The following RPS6KC1 variants were observed in gnomAD, a reference collection of about 807,000 sequenced individuals.
The protein encoded by RPS6KC1 is ribosomal protein S6 kinase C1.
RPS6KC1 carries 54 observed loss-of-function variants against 103.8 expected under a neutral mutation model. The ratio of observed to expected loss-of-function variants is 0.52; its 90% confidence interval spans 0.42 to 0.65. The LOEUF is 0.65. Among genes scored for constraint, RPS6KC1 ranks in the 30% least tolerant of loss-of-function variants. RPS6KC1 has a pLI of 0.00. For missense variants in RPS6KC1, 1,151 were observed against 1,253.8 expected (o/e 0.92, Z 1.24); for synonymous variants, 439 against 438.7 (o/e 1.00, Z -0.01).
chr1:213,069,979 A>G (rs980471577), intron 1 of RPS6KC1, among the ~76,000 whole-genome samples: 27 of 152,330 alleles, frequency 1.8e-4, no homozygotes, highest in African/African-American at 6.3e-4. Context: ...TCATCAGGGA[A>G]GTCTGAAGGA....
At chr1:213,496,324 C>T in the RPS6KC1 span, among the ~76,000 whole-genome samples, 1 of 151,982 alleles carries the variant, frequency 6.6e-6, no homozygotes, top group Non-Finnish European at 1.5e-5. Flanking sequence ...TTGCAAGAGA[C>T]ATCTGTAAAA....
chr1:213,841,125 A>G, the RPS6KC1 span: 1 of 152,100 alleles, frequency 6.6e-6, no homozygotes, highest in East Asian at 1.9e-4. Flanking sequence ...TAATGATCTG[A>G]GTATGTACAT....
intron 6 of RPS6KC1, among the ~76,000 whole-genome samples, chr1:213,161,641 A>G (rs1048182324): frequency 1.3e-5 from 2 of 152,220 alleles, no homozygotes; most frequent in Non-Finnish European, 2.9e-5. Context: ...AATCATTTAA[A>G]TATGGAGATA....
the RPS6KC1 span, among the ~76,000 whole-genome samples, chr1:213,574,494 A>G: frequency 1.3e-5 from 2 of 152,242 alleles, no homozygotes; most frequent in Non-Finnish European, 2.9e-5. Context: ...GAGGGTCTCT[A>G]TTAGCCTTGC....
At chr1:213,082,252 C>G (rs1469834444) in intron 3 of RPS6KC1, among the ~76,000 whole-genome samples, 2 of 151,698 alleles carry the variant, frequency 1.3e-5, no homozygotes, top group African/African-American at 4.8e-5. Flanking sequence ...AACCCCGTCT[C>G]TACTAAAAAT....
chr1:213,628,443 A>G, the RPS6KC1 span, among the ~76,000 whole-genome samples: 1 of 151,334 alleles, frequency 6.6e-6, no homozygotes, highest in Non-Finnish European at 1.5e-5. Context: ...CTGATCTGTT[A>G]CTTCTTGCCT....
At chr1:213,232,075 A>G (rs1449768967) in intron 9 of RPS6KC1, 48 bp from the exon 10 acceptor site, 1 of 158,856 alleles carries the variant, frequency 6.3e-6, no homozygotes, top group Non-Finnish European at 9.2e-6. Flanking sequence ...TCCAAAGGCA[A>G]CTGAGGATGC....
the RPS6KC1 span, among the ~76,000 whole-genome samples, chr1:213,648,684 T>C: frequency 6.6e-6 from 1 of 152,072 alleles, no homozygotes; most frequent in East Asian, 1.9e-4. Flanking sequence ...TTTGACCTCA[T>C]GGGGATGGGC....
the RPS6KC1 span, among the ~76,000 whole-genome samples, chr1:213,845,727 G>T: frequency 6.6e-6 from 1 of 152,068 alleles, no homozygotes; most frequent in Non-Finnish European, 1.5e-5. Flanking sequence ...CAAAAATCCT[G>T]GTTCCTCCAC....
In RPS6KC1 at chr1:213,263,600, C is replaced by T. The variant is rs78149348; in HGVS notation, c.3090+784C>T. 9.3e-3 allele frequency among the ~76,000 whole-genome samples: 1,404 copies of T among 151,114 alleles called. 44 individuals carry two copies. The highest frequency in any genetic ancestry group is 0.071 in the East Asian group (366 of 5,154). ...CAAGAACTAAAATTATGTAATGAAA[C>T]ATGGATTTAAAAAAAAAAGTCAGGG... On this transcript the variant is annotated intron_variant, in intron 14 of 14. Transcript: ENST00000366960.
chr1:213,737,938 C>T, the RPS6KC1 span, among the ~76,000 whole-genome samples: 1 of 152,194 alleles, frequency 6.6e-6, no homozygotes, highest in African/African-American at 2.4e-5. Flanking sequence ...TTTGCTTCAG[C>T]ACCATTGCCT....
chr1:213,782,745 G>A, the RPS6KC1 span, among the ~76,000 whole-genome samples: 2 of 152,262 alleles, frequency 1.3e-5, no homozygotes, highest in South Asian at 4.1e-4. Flanking sequence ...TTTCATGAAA[G>A]TCAAATTTTG....
the RPS6KC1 span, among the ~76,000 whole-genome samples, chr1:213,688,208 C>T: frequency 4.2e-4 from 64 of 152,268 alleles, no homozygotes; most frequent in African/African-American, 1.3e-3. Context: ...GTTCTTCCTC[C>T]GTCTCGGTCT....
the RPS6KC1 span, among the ~76,000 whole-genome samples, chr1:213,478,141 T>C: frequency 6.6e-6 from 1 of 152,198 alleles, no homozygotes; most frequent in African/African-American, 2.4e-5. Flanking sequence ...GATTAGCTTC[T>C]TTTACTTAGT....
At chr1:213,240,192 A>G (rs2094318835) in intron 10 of RPS6KC1, among the ~76,000 whole-genome samples, 1 of 152,156 alleles carries the variant, frequency 6.6e-6, no homozygotes, top group Non-Finnish European at 1.5e-5. Context: ...ATTATATACC[A>G]CATGCCAAAT....
At chr1:213,165,814 C>T (rs2090914070) in intron 6 of RPS6KC1, among the ~76,000 whole-genome samples, 1 of 152,180 alleles carries the variant, frequency 6.6e-6, no homozygotes, top group East Asian at 1.9e-4. Flanking sequence ...GCCTCAGCCT[C>T]CCAAAGTGTT....
chr1:213,535,105 G>C, the RPS6KC1 span, among the ~76,000 whole-genome samples: 1 of 152,208 alleles, frequency 6.6e-6, no homozygotes, highest in African/African-American at 2.4e-5. Context: ...GGTCAAGCAG[G>C]CTCCATATGG....
At chr1:213,778,596 G>A in the RPS6KC1 span, among the ~76,000 whole-genome samples, 1 of 151,870 alleles carries the variant, frequency 6.6e-6, no homozygotes, top group African/African-American at 2.4e-5. Flanking sequence ...GGTTGTTTAG[G>A]TGAGAGGTAA....
the RPS6KC1 span, among the ~76,000 whole-genome samples, chr1:213,756,435 T>C: frequency 6.6e-6 from 1 of 152,208 alleles, no homozygotes; most frequent in African/African-American, 2.4e-5. Context: ...TTTATTGTGC[T>C]TCATGCTGTT....
Sources: gnomAD v4.1 joint callset for allele counts (sites outside exome capture counted in the v4.1 genomes callset) on GRCh38, gnomAD v4.1.1 for gene constraint, MANE v1.5 for transcripts, NCBI Gene and HGNC (gene_info 2026-07-23, HGNC 2026-07-21) for gene names.